Variants in CPO observed in about 807,000 individuals in gnomAD.
CPO encodes carboxypeptidase O, also known as metallocarboxypeptidase C.
In CPO, 43 loss-of-function variants were observed where a neutral mutation model predicts 41.2. The observed-to-expected ratio is 1.04, with a 90% CI of 0.82 to 1.35. CPO has a LOEUF of 1.35. Ranked by LOEUF, CPO falls within the 40% of genes most tolerant of loss-of-function variation. CPO has a pLI of 0.00. For synonymous variants in CPO, 178 were observed against 162.7 expected (o/e 1.09, Z -0.72); for missense variants, 408 against 451.7 (o/e 0.90, Z 0.88).
In CPO at chr2:206,960,850, A is replaced by G. The variant is rs201072284; in HGVS notation, c.484-2A>G. ...CAACATCCGTATGTTCCTCTGCTAC[A>G]GGATCGTCTTTGGAGGAAATCCCGT... On this transcript the variant is annotated splice_acceptor_variant, in intron 5 of 8. Transcript: ENST00000272852. LOFTEE classifies it high-confidence loss of function. The G allele has an allele frequency of 8.7e-6, 14 of 1,606,546 alleles. No individual in the cohort carries two copies. The highest frequency in any genetic ancestry group is 1.2e-5 in the Non-Finnish European group (14 of 1,173,170).
intron 5 of CPO, among the ~76,000 whole-genome samples, chr2:206,959,960 A>G (rs1292777462): frequency 6.6e-6 from 1 of 152,150 alleles, no homozygotes; most frequent in East Asian, 1.9e-4. Flanking sequence ...GTTGAAGTCC[A>G]TTACAGGTTT....
chr2:206,943,728 TGATAGATAGATAGATAGATA>T (rs68125401), intron 1 of CPO, among the ~76,000 whole-genome samples: 3,656 of 123,586 alleles, frequency 0.03, 133 homozygotes, highest in African/African-American at 0.072. Flanking sequence ...GATGGATAGA[TGATAGATAGATAGATAGATA>T]GATAGATAGA....
At chr2:206,962,643 A>G in intron 7 of CPO, 29 bp downstream of exon 7, 1 of 1,572,926 alleles carries the variant, frequency 6.4e-7, no homozygotes, top group Non-Finnish European at 8.7e-7. Flanking sequence ...GGCCTCCAGA[A>G]AAACCTCAGC....
At chr2:206,947,604 CA>C (rs773615127) in intron 1 of CPO, among the ~76,000 whole-genome samples, 9 of 151,382 alleles carry the variant, frequency 5.9e-5, no homozygotes, top group Non-Finnish European at 1.3e-4. Flanking sequence ...TGTTAAGAAA[CA>C]AAAAGACAAG....
Position 206,943,709 on chromosome 2 carries a change from T to TG in CPO, c.68+4042_68+4043insG, listed in dbSNP as rs1559068311. 4.1e-3 allele frequency among the ~76,000 whole-genome samples: 298 copies of TG among 73,026 alleles called. 1 individual carries two copies. Among genetic ancestry groups the TG allele is most frequent in the South Asian group, 0.01 (25 of 2,418 alleles). The allele number at this position is 73,026 out of a possible 152,430, so 47.9% of individuals were successfully genotyped here. On this transcript the variant is annotated intron_variant, in intron 1 of 8. Transcript: ENST00000272852. ...ATAGATAGATAGATAGATAGATAGA[T>TG]AGATAGATGATGGATAGATGATAGA...
At chr2:206,940,641 T>C (rs1693011281) in intron 1 of CPO, among the ~76,000 whole-genome samples, 1 of 152,122 alleles carries the variant, frequency 6.6e-6, no homozygotes, top group Admixed American at 6.6e-5. Context: ...TGTATGTGTG[T>C]GTGTATAGTT....
At chr2:206,958,804 C>A (rs1430707388) in intron 4 of CPO, among the ~76,000 whole-genome samples, 1 of 135,698 alleles carries the variant, frequency 7.4e-6, no homozygotes, top group Non-Finnish European at 1.5e-5. Context: ...TGTAATGGCA[C>A]GATCTCAGCT....
At position 206,969,163 on chromosome 2, in the gene CPO, T is replaced by G; in HGVS notation, c.863-11T>G. The stretch of plus-strand genomic sequence containing the variant: ...TGACTTCTACCTCTGCCTTCATGTT[T>G]TCACCTGTAGATGCCTCATCAGGGT... On this transcript the variant is annotated splice_polypyrimidine_tract_variant and intron_variant, in intron 8 of 8. Coordinates refer to ENST00000272852, the MANE Select transcript of CPO (RefSeq NM_173077.3). 6.2e-7 allele frequency: 1 copy of G among 1,612,918 alleles called. No homozygotes were observed. The highest frequency in any genetic ancestry group is 8.5e-7 in the Non-Finnish European group (1 of 1,178,918).
intron 3 of CPO, among the ~76,000 whole-genome samples, chr2:206,956,188 C>G (rs758772445): frequency 5.3e-5 from 8 of 152,112 alleles, no homozygotes; most frequent in Non-Finnish European, 1.0e-4. Context: ...TGGTTCTGCA[C>G]CAGTGATTTT....
intron 1 of CPO, among the ~76,000 whole-genome samples, chr2:206,948,570 C>T (rs535347113): frequency 6.6e-6 from 1 of 152,054 alleles, no homozygotes; most frequent in Non-Finnish European, 1.5e-5. Flanking sequence ...TTGAGAACAG[C>T]CTGAGCAACA....
At chr2:206,965,929 A>C (rs17458440) in intron 7 of CPO, among the ~76,000 whole-genome samples, 9,926 of 152,236 alleles carry the variant, frequency 0.065, 376 homozygotes, top group Non-Finnish European at 0.075. Flanking sequence ...CCAGAGACAG[A>C]AGTTGAATTC....
In CPO at chr2:206,960,938, G is replaced by C; in HGVS notation, c.570G>C (p.Trp190Cys). Residue 190 changes from tryptophan to cysteine, a missense_variant, in exon 6 of 9, where the codon TGG (tryptophan) becomes TGC (cysteine). Transcript: ENST00000272852. Reference protein sequence around the residue: ...TDLNRNFNASWCSIGASRNCQ... With the variant: ...TDLNRNFNASCCSIGASRNCQ... ...TCAATCGAAATTTCAATGCATCTTG[G>C]TGTAGTAAGTACATGCTTAGTAGAT... 1 of 1,586,568 alleles carries C rather than the reference G, an allele frequency of 6.3e-7. No homozygotes were observed. The highest frequency in any genetic ancestry group is 8.7e-7 in the Non-Finnish European group (1 of 1,154,842).
chr2:206,968,729 C>G (rs1260449825), intron 8 of CPO, among the ~76,000 whole-genome samples: 2 of 152,200 alleles, frequency 1.3e-5, no homozygotes, highest in Non-Finnish European at 2.9e-5. Context: ...AATCTAAAGA[C>G]AAGAATTTAG....
intron 2 of CPO, among the ~76,000 whole-genome samples, chr2:206,952,865 A>G (rs1158463633): frequency 3.3e-5 from 5 of 152,222 alleles, no homozygotes; most frequent in Admixed American, 1.3e-4. Flanking sequence ...GGAGGCCTCA[A>G]AATCATGGTG....
At chr2:206,947,872 G>A (rs1157093171) in intron 1 of CPO, among the ~76,000 whole-genome samples, 1 of 152,124 alleles carries the variant, frequency 6.6e-6, no homozygotes, top group Non-Finnish European at 1.5e-5. Context: ...AAAACAAGAA[G>A]ATAATATACT....
At chr2:206,961,858 C>T (rs1014494437) in intron 6 of CPO, among the ~76,000 whole-genome samples, 29 of 151,336 alleles carry the variant, frequency 1.9e-4, no homozygotes, top group African/African-American at 6.1e-4. Context: ...TTGGGGAGGC[C>T]GAGGTGGGCA....
At chr2:206,964,746 A>T (rs1693541882) in intron 7 of CPO, among the ~76,000 whole-genome samples, 1 of 152,238 alleles carries the variant, frequency 6.6e-6, no homozygotes, top group Admixed American at 6.5e-5. Flanking sequence ...TTTCAGGGAT[A>T]TTTGTTGTAG....
intron 8 of CPO, 91 bp downstream of exon 8, chr2:206,968,438 A>G (rs1435884748): frequency 4.0e-6 from 3 of 753,974 alleles, no homozygotes; most frequent in Non-Finnish European, 7.1e-6. Flanking sequence ...AGAGGAACAG[A>G]AGAGTTCCTG....
chr2:206,960,310 A>C (rs935118721), intron 5 of CPO, among the ~76,000 whole-genome samples: 2 of 152,158 alleles, frequency 1.3e-5, no homozygotes, highest in Admixed American at 1.3e-4. Context: ...TAAGGACTTC[A>C]GGGGCCCCTT....
Sources: gnomAD v4.1 joint callset for allele counts (sites outside exome capture counted in the v4.1 genomes callset) on GRCh38, gnomAD v4.1.1 for gene constraint, MANE v1.5 for transcripts, NCBI Gene and HGNC (gene_info 2026-07-23, HGNC 2026-07-21) for gene names.